The following PCDHGA3 variants were observed in gnomAD, a reference collection of about 807,000 sequenced individuals.
The protein encoded by PCDHGA3 is protocadherin gamma subfamily A, 3, also known as protocadherin gamma-A3.
In PCDHGA3, 40 loss-of-function variants were observed where a neutral mutation model predicts 58.5. The observed-to-expected ratio is 0.68, with a 90% CI of 0.53 to 0.89. The LOEUF (loss-of-function observed/expected upper bound fraction) is 0.89. Among genes scored for constraint, PCDHGA3 ranks in the 40% least tolerant of loss-of-function variants. The pLI is 0.00. For synonymous variants in PCDHGA3, 530 were observed against 525.7 expected (o/e 1.01, Z -0.11); for missense variants, 1,223 against 1,195.9 (o/e 1.02, Z -0.33).
At chr5:141,365,450 G>C (rs763661542) in intron 1 of PCDHGA3, 2 of 1,614,010 alleles carry the variant, frequency 1.2e-6, no homozygotes, top group South Asian at 2.2e-5. Flanking sequence ...CGTACATGAT[G>C]GTGATTCTGG....
chr5:141,374,340 C>T, intron 1 of PCDHGA3: 1 of 1,614,016 alleles, frequency 6.2e-7, no homozygotes, highest in Non-Finnish European at 8.5e-7. Context: ...AGCTTGGTCA[C>T]CGCGGGTAGG....
At chr5:141,348,285 T>G (rs909214374) in intron 1 of PCDHGA3, among the ~76,000 whole-genome samples, 4 of 152,176 alleles carry the variant, frequency 2.6e-5, no homozygotes, top group African/African-American at 7.2e-5. Flanking sequence ...CAGAGTAAGG[T>G]GTATTCTCAC....
chr5:141,475,739 T>C (rs190533989), intron 1 of PCDHGA3, among the ~76,000 whole-genome samples: 593 of 152,384 alleles, frequency 3.9e-3, no homozygotes, highest in Non-Finnish European at 6.7e-3. Flanking sequence ...TTCCCTAAGG[T>C]AGGTTTCCTA....
intron 1 of PCDHGA3, chr5:141,422,736 C>T (rs1408210168): frequency 9.9e-6 from 16 of 1,608,328 alleles, no homozygotes; most frequent in Non-Finnish European, 1.2e-5. Context: ...TGCCTCTGTC[C>T]TCCTATGTCT....
At chr5:141,365,589 T>C (rs779313790) in intron 1 of PCDHGA3, 12 of 1,613,518 alleles carry the variant, frequency 7.4e-6, no homozygotes, top group Middle Eastern at 1.6e-4. Flanking sequence ...GATTATAATA[T>C]CACTTTAACC....
At position 141,431,020 on chromosome 5, in the gene PCDHGA3, G is replaced by T. The variant is rs941765907; in HGVS notation, c.2425-63787G>T. ...CGCGCAGCGGCAGCTTGGTCACGGCGGGCAGGATAGACCGGGAGGAGCTCT... is the reference window on the plus strand; with the variant it reads ...CGCGCAGCGGCAGCTTGGTCACGGCTGGCAGGATAGACCGGGAGGAGCTCT... On this transcript the variant is annotated intron_variant, in intron 1 of 3. Coordinates refer to ENST00000253812, the MANE Select transcript of PCDHGA3 (RefSeq NM_018916.4). This position sits in a 1 kb window ranked among gnomAD's most constrained non-coding sequence, Gnocchi z 4.8. 2.5e-6 allele frequency: 4 copies of T among 1,614,050 alleles called. No homozygotes were observed. The East Asian group carries it at 8.9e-5, about 36-fold the overall frequency.
intron 1 of PCDHGA3, chr5:141,370,265 A>T: frequency 2.6e-6 from 2 of 758,286 alleles, no homozygotes; most frequent in South Asian, 4.5e-5. Flanking sequence ...GGCTTCCTGC[A>T]GCGGAGACAC....
rs768994533 is a variant in PCDHGA3 at position 141,486,589 on chromosome 5, C to G, written c.2425-8218C>G. On this transcript the variant is annotated intron_variant, in intron 1 of 3. Transcript: ENST00000253812. This position sits in a 1 kb window ranked among gnomAD's most constrained non-coding sequence, Gnocchi z 5.0. Reference sequence around the variant, plus strand: ...TTCCTGAGAACAATCGCCCAGGGGACCTGCTTTGCTCCCTTGCAGCCTCTG... The same window carrying G: ...TTCCTGAGAACAATCGCCCAGGGGAGCTGCTTTGCTCCCTTGCAGCCTCTG... 1 of 1,613,676 alleles carries G rather than the reference C, an allele frequency of 6.2e-7. No individual in the cohort carries two copies. Among genetic ancestry groups the G allele is most frequent in the Non-Finnish European group, 8.5e-7 (1 of 1,179,996 alleles).
At chr5:141,394,235 G>C (rs1444438979) in intron 1 of PCDHGA3, 1 of 1,613,820 alleles carries the variant, frequency 6.2e-7, no homozygotes, top group South Asian at 1.1e-5. Flanking sequence ...TCTTTTCCTT[G>C]ACTGCACACG....
At chr5:141,393,284 T>C (rs1462333832) in intron 1 of PCDHGA3, 10 of 1,613,870 alleles carry the variant, frequency 6.2e-6, no homozygotes, top group African/African-American at 2.7e-5. Flanking sequence ...TCCCAGAAGC[T>C]GTTGACCCGG....
At chr5:141,415,747 T>G (rs774746065) in intron 1 of PCDHGA3, 22 of 797,580 alleles carry the variant, frequency 2.8e-5, no homozygotes, top group Middle Eastern at 5.1e-4. Context: ...AAGGTTTTTT[T>G]TTTTTTTTTT....
chr5:141,393,348 T>C (rs754496387), intron 1 of PCDHGA3: 16 of 1,613,730 alleles, frequency 9.9e-6, no homozygotes, highest in Non-Finnish European at 1.4e-5. Context: ...TCACCACTTC[T>C]CCCTGGACGT....
chr5:141,344,792 G>A lies in PCDHGA3; in HGVS notation c.759G>A (p.Glu253=). The A allele has an allele frequency of 6.2e-7, 1 of 1,613,992 alleles. No individual in the cohort carries two copies. Among genetic ancestry groups the A allele is most frequent in the Non-Finnish European group, 8.5e-7 (1 of 1,179,894 alleles). Residue 253 remains glutamate (E), a synonymous_variant, in exon 1 of 4, where the codon GAG becomes GAA. Transcript: ENST00000253812. The stretch of plus-strand genomic sequence containing the variant: ...CTGAGTACCGTGTGAGTGTTTGGGA[G>A]AACGTGCCTGTGGGTACCCGGCTGC... ...TQPEYRVSVW[E]NVPVGTRLLT...
At chr5:141,421,548 G>C in intron 1 of PCDHGA3, 1 of 1,613,984 alleles carries the variant, frequency 6.2e-7, no homozygotes, top group Non-Finnish European at 8.5e-7. Flanking sequence ...TTTTAAATAT[G>C]GAACTTCTCG....
chr5:141,394,803 G>A lies in PCDHGA3; in HGVS notation c.2424+48346G>A, dbSNP rs143444747. The A allele has an allele frequency of 2.5e-6, 4 of 1,613,844 alleles. No homozygotes were observed. In the African/African-American group the frequency reaches 4.0e-5, roughly 16 times the overall value. On this transcript the variant is annotated intron_variant, in intron 1 of 3. Coordinates refer to ENST00000253812, the MANE Select transcript of PCDHGA3 (RefSeq NM_018916.4). Reference sequence around the variant, plus strand: ...CGCCACTGTCACGCTCACCGTAGCCGTGGCTGACAGCATCCCCGAAGTCCT... The same window carrying A: ...CGCCACTGTCACGCTCACCGTAGCCATGGCTGACAGCATCCCCGAAGTCCT...
At chr5:141,415,653 G>T in intron 1 of PCDHGA3, 1 of 1,539,362 alleles carries the variant, frequency 6.5e-7, no homozygotes, top group Non-Finnish European at 8.8e-7. Context: ...AAAAAAAAAA[G>T]ATTGGTTTTT....
chr5:141,355,745 T>C, intron 1 of PCDHGA3: 10 of 1,614,006 alleles, frequency 6.2e-6, no homozygotes, highest in Non-Finnish European at 8.5e-6. Context: ...TCCCTGGACG[T>C]GCAAAGTGGG....
chr5:141,392,779 T>C (rs757880986), intron 1 of PCDHGA3: 1 of 1,534,720 alleles, frequency 6.5e-7, no homozygotes, highest in African/African-American at 1.4e-5. Context: ...TTATGCACAG[T>C]GAAGATTCTG....
chr5:141,347,171 CTTTCTT>C (rs1561493541), intron 1 of PCDHGA3, among the ~76,000 whole-genome samples: 4 of 144,296 alleles, frequency 2.8e-5, no homozygotes, highest in African/African-American at 1.0e-4. Context: ...TTCTTTCTTT[CTTTCTT>C]TCTTGACAGG....
Sources: gnomAD v4.1 joint callset for allele counts (sites outside exome capture counted in the v4.1 genomes callset) on GRCh38, gnomAD v4.1.1 for gene constraint, Gnocchi (gnomAD v3.1) non-coding constraint, MANE v1.5 for transcripts, NCBI Gene and HGNC (gene_info 2026-07-23, HGNC 2026-07-21) for gene names.